NHSL1: variants seen among roughly 807,000 people sequenced by gnomAD.
NHSL1 encodes the protein NHS-like protein 1.
Under a neutral mutation model 95.0 loss-of-function variants are expected in NHSL1, and 48 were observed. The ratio of observed to expected loss-of-function variants is 0.51; its 90% confidence interval spans 0.40 to 0.64. The LOEUF (loss-of-function observed/expected upper bound fraction) is 0.64. Ranked by LOEUF, NHSL1 falls within the 30% of genes least tolerant of loss-of-function variation. The pLI is 0.00. For missense variants in NHSL1, 1,971 were observed against 2,077.7 expected (o/e 0.95, Z 1.00); for synonymous variants, 783 against 833.9 (o/e 0.94, Z 1.05).
intron 1 of NHSL1, among the ~76,000 whole-genome samples, chr6:138,531,526 T>C (rs1562352577): frequency 6.6e-6 from 1 of 151,930 alleles, no homozygotes; most frequent in Non-Finnish European, 1.5e-5. Context: ...CTCTCTTTTT[T>C]TTTTTTTCCT....
rs61127642 is a variant in NHSL1 at position 138,566,399 on chromosome 6, A to AAATCAATC, written c.202+5303_202+5310dup. Among the ~76,000 whole-genome samples, 1,107 of 149,862 alleles carry AAATCAATC rather than the reference A, an allele frequency of 7.4e-3. 13 individuals are homozygous for AAATCAATC. The highest frequency in any genetic ancestry group is 0.025 in the African/African-American group (1,002 of 39,918). ...GGCGACAGAGCAAGACTCTGTCTCA[A>AAATCAATC]AATCAATCAATCAATCAATCAATCA... On this transcript the variant is annotated intron_variant, in intron 1 of 6. Transcript: ENST00000427025.
At chr6:138,480,354 G>C (rs1278728125) in intron 2 of NHSL1, among the ~76,000 whole-genome samples, 1 of 152,182 alleles carries the variant, frequency 6.6e-6, no homozygotes, top group Admixed American at 6.5e-5. Context: ...TCGGTTGCAG[G>C]ACCCAGAATG....
rs77277617 is a variant in NHSL1, at chr6:138,581,242, G to A, written c.97-84871C>T. Reference sequence around the variant, plus strand: ...TTAAGCATTTCTGTTCATTTTGTAAGAATTCTGAGATTTTTTGCACTCGTA... The same window carrying A: ...TTAAGCATTTCTGTTCATTTTGTAAAAATTCTGAGATTTTTTGCACTCGTA... On this transcript the variant is annotated intron_variant, in intron 1 of 3. Coordinates refer to the NHSL1 transcript ENST00000491526. Among the ~76,000 whole-genome samples, 151 of 152,302 alleles carry A rather than the reference G, an allele frequency of 9.9e-4. 3 individuals carry two copies. The East Asian group carries it at 0.028, about 28-fold the overall frequency.
chr6:138,662,793 A>G (rs969875307), intron 1 of NHSL1, among the ~76,000 whole-genome samples: 6 of 152,018 alleles, frequency 3.9e-5, no homozygotes, highest in South Asian at 2.1e-4. Flanking sequence ...GACTTAGGGG[A>G]AAAAAAACCT....
At chr6:138,514,132 C>T (rs1171322868) in intron 1 of NHSL1, among the ~76,000 whole-genome samples, 1 of 152,042 alleles carries the variant, frequency 6.6e-6, no homozygotes, top group Non-Finnish European at 1.5e-5. Context: ...GCCTGACCGA[C>T]ATGGTGAAAC....
chr6:138,518,478 T>A (rs866801401), intron 1 of NHSL1, among the ~76,000 whole-genome samples: 1,464 of 51,362 alleles, frequency 0.029, 22 homozygotes, highest in African/African-American at 0.073. Context: ...CAGGAATGAT[T>A]TTTTTTTTTT....
chr6:138,633,561 A>G (rs1230632243), intron 1 of NHSL1, among the ~76,000 whole-genome samples: 4 of 152,174 alleles, frequency 2.6e-5, no homozygotes, highest in Non-Finnish European at 4.4e-5. Flanking sequence ...AAAAACTTTT[A>G]CCCTAGAATA....
chr6:138,457,498 T>C (rs563463654), intron 3 of NHSL1, among the ~76,000 whole-genome samples: 5 of 152,354 alleles, frequency 3.3e-5, no homozygotes, highest in Admixed American at 3.3e-4. Flanking sequence ...TTATATGTCC[T>C]TAACCTTTGC....
Position 138,432,270 on chromosome 6 carries a change from TTGCACTGGC to T in NHSL1, c.2066_2074del (p.Ser689_Cys691del). The T allele has an allele frequency of 6.4e-7, 1 of 1,551,072 alleles. No individual in the cohort carries two copies. Among genetic ancestry groups the T allele is most frequent in the Non-Finnish European group, 8.7e-7 (1 of 1,146,730 alleles). On this transcript the variant is annotated inframe_deletion, in exon 6 of 8. Transcript: ENST00000343505. This position sits in a 1 kb window ranked among gnomAD's most constrained non-coding sequence, Gnocchi z 4.4. ...CAGGCTCTCGTTGAGCACCTGCCCG[TTGCACTGGC>T]TGCTCTTCTTGGGAATCCTGCGGAG...
intron 1 of NHSL1, among the ~76,000 whole-genome samples, chr6:138,596,261 C>G (rs1270379723): frequency 6.6e-6 from 1 of 152,112 alleles, no homozygotes; most frequent in Non-Finnish European, 1.5e-5. Flanking sequence ...AATTACCTCC[C>G]CAGGGCTCTC....
At chr6:138,537,849 T>C (rs1782420872) in intron 1 of NHSL1, among the ~76,000 whole-genome samples, 1 of 152,070 alleles carries the variant, frequency 6.6e-6, no homozygotes, top group Admixed American at 6.6e-5. Context: ...GTAGCACCTT[T>C]ACAGTGGGCA....
chr6:138,487,864 T>C (rs952992782), intron 2 of NHSL1, among the ~76,000 whole-genome samples: 5 of 152,226 alleles, frequency 3.3e-5, no homozygotes, highest in Non-Finnish European at 7.3e-5. Context: ...CTCTGTTCAG[T>C]TGCTTTTTCA....
At chr6:138,522,163 G>T (rs1303973574) in intron 1 of NHSL1, among the ~76,000 whole-genome samples, 3 of 152,186 alleles carry the variant, frequency 2.0e-5, no homozygotes, top group Non-Finnish European at 4.4e-5. Context: ...AGGTGAGAAA[G>T]CAGATCAGAT....
At chr6:138,543,735 C>G (rs1054365389) in intron 1 of NHSL1, among the ~76,000 whole-genome samples, 1 of 152,194 alleles carries the variant, frequency 6.6e-6, no homozygotes, top group Non-Finnish European at 1.5e-5. Flanking sequence ...ATCTCACTCA[C>G]CCTTATTTTA....
intron 1 of NHSL1, among the ~76,000 whole-genome samples, chr6:138,598,244 A>C (rs1453457394): frequency 6.6e-6 from 1 of 152,154 alleles, no homozygotes; most frequent in Non-Finnish European, 1.5e-5. Context: ...GGATCACTTG[A>C]GGCCAAGAGT....
chr6:138,604,208 A>G (rs987992906), intron 1 of NHSL1, among the ~76,000 whole-genome samples: 7 of 152,214 alleles, frequency 4.6e-5, no homozygotes, highest in Non-Finnish European at 1.0e-4. Context: ...GTCAACTAAA[A>G]AGAAAAATAA....
chr6:138,439,827 C>T (rs1039432155), intron 5 of NHSL1, among the ~76,000 whole-genome samples: 36 of 151,846 alleles, frequency 2.4e-4, no homozygotes, highest in Middle Eastern at 3.4e-3. Flanking sequence ...TAGTGACGTT[C>T]CATGTCACAT....
At chr6:138,463,401 C>T (rs1259119700) in intron 3 of NHSL1, among the ~76,000 whole-genome samples, 6 of 151,924 alleles carry the variant, frequency 3.9e-5, no homozygotes, top group Non-Finnish European at 7.4e-5. Context: ...AAGTCATTAT[C>T]GCCACTCTTC....
chr6:138,433,346 G>T lies in NHSL1; in HGVS notation c.999C>A (p.Asn333Lys). 1 of 1,552,162 alleles carries T rather than the reference G, an allele frequency of 6.4e-7. No homozygotes were observed. Among genetic ancestry groups the T allele is most frequent in the Non-Finnish European group, 8.7e-7 (1 of 1,147,096 alleles). The change falls in exon 6 of 8, where the codon AAC becomes AAA. Residue 333 changes from asparagine to lysine, a missense_variant. By Grantham distance (94) the Asn-to-Lys change is moderately conservative. This residue lies in a region of NHSL1 where 1,602 missense variants were observed against 1,654.5 expected (regional missense o/e 0.97). Coordinates refer to ENST00000343505, the MANE Select transcript of NHSL1 (RefSeq NM_001144060.2). ...HSLPRSGARA[N>K]IQSLEPRLGA... ...CCAGCCTCGGCTCAAGGGACTGAAT[G>T]TTTGCCCTTGCTCCAGAACGCGGAA...
Sources: gnomAD v4.1 joint callset for allele counts (sites outside exome capture counted in the v4.1 genomes callset) on GRCh38, gnomAD v4.1.1 for gene constraint, gnomAD v4.1.1 regional missense constraint, Gnocchi (gnomAD v3.1) non-coding constraint, MANE v1.5 for transcripts, NCBI Gene and HGNC (gene_info 2026-07-23, HGNC 2026-07-21) for gene names.